Variants in MPDZ observed in about 807,000 individuals in gnomAD.
MPDZ encodes the protein multiple PDZ domain crumbs cell polarity complex component, also known as multiple PDZ domain protein.
Under a neutral mutation model 239.1 loss-of-function variants are expected in MPDZ, and 234 were observed. The observed-to-expected ratio is 0.98, with a 90% CI of 0.88 to 1.09. The LOEUF is 1.09. Among genes scored for constraint, MPDZ ranks in the 50% least tolerant of loss-of-function variants. MPDZ has a pLI of 0.00. For synonymous variants in MPDZ, 1,048 were observed against 881.3 expected, an observed-to-expected ratio of 1.19 and a Z score of -3.35; for missense variants, 3,175 against 2,510.0, an observed-to-expected ratio of 1.26 and a Z score of -5.66.
Position 13,140,045 on chromosome 9 carries a change from T to C in MPDZ, c.3945A>G (p.Ser1315=). 1.2e-6 allele frequency: 2 copies of C among 1,613,304 alleles called. No individual in the cohort carries two copies. The highest frequency in any genetic ancestry group is 1.7e-6 in the Non-Finnish European group (2 of 1,179,730). Reference sequence around the variant, plus strand: ...CATCTTGTGAGATTTTGCTTGCAGATGACTGTGTGTGATCACTACCCATTT... The same window carrying C: ...CATCTTGTGAGATTTTGCTTGCAGACGACTGTGTGTGATCACTACCCATTT... The part of the protein sequence containing the change: ...FAEMGSDHTQ[S]SASKISQDVD... Residue 1315 remains serine, a synonymous_variant, in exon 28 of 47, where the codon TCA becomes TCG. Coordinates refer to ENST00000319217, the MANE Select transcript of MPDZ (RefSeq NM_001378778.1).
At chr9:13,265,264 G>C (rs913123687) in intron 1 of MPDZ, among the ~76,000 whole-genome samples, 1 of 152,158 alleles carries the variant, frequency 6.6e-6, no homozygotes, top group Non-Finnish European at 1.5e-5. Context: ...AATGAGCCCA[G>C]GTCGACTGTG....
At chr9:13,266,894 G>A (rs1256204814) in intron 1 of MPDZ, among the ~76,000 whole-genome samples, 1 of 152,168 alleles carries the variant, frequency 6.6e-6, no homozygotes, top group African/African-American at 2.4e-5. Context: ...CTTAATTAGA[G>A]GGATGTCTAC....
chr9:13,256,178 C>T (rs1465590893), intron 1 of MPDZ, among the ~76,000 whole-genome samples: 1 of 152,142 alleles, frequency 6.6e-6, no homozygotes, highest in African/African-American at 2.4e-5. Flanking sequence ...TCTGCAGCTC[C>T]GTCACCTCTC....
intron 1 of MPDZ, among the ~76,000 whole-genome samples, chr9:13,252,858 T>A (rs947732578): frequency 1.3e-5 from 2 of 152,152 alleles, no homozygotes; most frequent in Non-Finnish European, 2.9e-5. Context: ...AAAAAAAGCA[T>A]GGACTAGAGA....
At chr9:13,183,831 T>C (rs1404762532) in intron 18 of MPDZ, among the ~76,000 whole-genome samples, 1 of 152,104 alleles carries the variant, frequency 6.6e-6, no homozygotes, top group African/African-American at 2.4e-5. Context: ...AAGGCAACAA[T>C]TAACAAAGGG....
chr9:13,265,993 C>T (rs539678481), intron 1 of MPDZ, among the ~76,000 whole-genome samples: 1 of 152,208 alleles, frequency 6.6e-6, no homozygotes, highest in Non-Finnish European at 1.5e-5. Flanking sequence ...CTTAAAATAA[C>T]TCTACTTCCA....
chr9:13,126,619 G>C (rs1181988258), intron 33 of MPDZ, 29 bp from the exon 34 acceptor site: 6 of 1,610,952 alleles, frequency 3.7e-6, no homozygotes, highest in Non-Finnish European at 4.2e-6. Context: ...GAATTTGAGT[G>C]ATATTCCAAA....
At chr9:13,188,672 GA>G in intron 17 of MPDZ, 111 bp downstream of exon 17, 2 of 821,372 alleles carry the variant, frequency 2.4e-6, no homozygotes, top group Non-Finnish European at 3.7e-6. Context: ...TCACGTTGAT[GA>G]AAACTACTAA....
At position 13,108,675 on chromosome 9, in the gene MPDZ, T is replaced by C. The variant is rs73404385; in HGVS notation, c.6066+261A>G. Among the ~76,000 whole-genome samples, 599 of 152,320 alleles carry C rather than the reference T, an allele frequency of 3.9e-3. 7 individuals carry two copies. The highest frequency in any genetic ancestry group is 0.014 in the African/African-American group (582 of 41,580). ...TCAAAGAAAAAAAAATAGGCTTTAC[T>C]AACCAAAGTTCATTAATATTTTTAT... On this transcript the variant is annotated intron_variant, in intron 46 of 46. Transcript: ENST00000319217.
At chr9:13,118,675 C>A (rs893843466) in intron 39 of MPDZ, among the ~76,000 whole-genome samples, 14 of 152,122 alleles carry the variant, frequency 9.2e-5, no homozygotes, top group African/African-American at 3.4e-4. Flanking sequence ...GAATGCAAAT[C>A]CCCTCTAGAA....
chr9:13,106,642 C>G lies in MPDZ; in HGVS notation c.*323G>C, dbSNP rs1053045063. On this transcript the variant is annotated 3_prime_UTR_variant, in exon 47 of 47. Transcript: ENST00000319217. ...TTTGGTTAGCTTTAGAATTATCTTT[C>G]TTTATACTAACCAGCTTAGCATGTA... is the stretch of plus-strand genomic sequence containing the variant. 2 of 198,456 alleles carry G rather than the reference C, an allele frequency of 1.0e-5. No homozygotes were observed. Among genetic ancestry groups the G allele is most frequent in the Admixed American group, 5.9e-5 (1 of 17,050 alleles). 12.3% of individuals were successfully genotyped at this position (198,456 alleles called of 1,614,324 possible).
At chr9:13,188,732 G>T in intron 17 of MPDZ, 52 bp downstream of exon 17, 3 of 1,528,978 alleles carry the variant, frequency 2.0e-6, no homozygotes, top group Non-Finnish European at 2.7e-6. Flanking sequence ...GTAGACCTAT[G>T]AACCATTTTG....
intron 27 of MPDZ, among the ~76,000 whole-genome samples, 159 bp downstream of exon 27, chr9:13,143,307 G>A (rs1947969466): frequency 6.6e-6 from 1 of 151,976 alleles, no homozygotes; most frequent in Non-Finnish European, 1.5e-5. Flanking sequence ...ATGTGCTTAA[G>A]AAAGGATCTG....
chr9:13,138,269 G>A (rs1262528134), intron 28 of MPDZ, 116 bp from the exon 29 acceptor site: 17 of 1,149,982 alleles, frequency 1.5e-5, no homozygotes, highest in East Asian at 1.1e-4. Flanking sequence ...CAAAATGTAC[G>A]CTTTGACAGT....
Position 13,143,463 on chromosome 9 carries a change from A to C in MPDZ, c.3840+3T>G. On this transcript the variant is annotated splice_donor_region_variant and intron_variant, in intron 27 of 46. Transcript: ENST00000319217. ...AACAGCAAGACAATGGGCATTATCC[A>C]ACCTTGTCGGCGTTGATTTGTAGAG... 6.2e-7 allele frequency: 1 copy of C among 1,608,888 alleles called. No homozygotes were observed. The highest frequency in any genetic ancestry group is 8.5e-7 in the Non-Finnish European group (1 of 1,175,514).
chr9:13,175,727 T>G (rs780410788), intron 21 of MPDZ, 25 bp downstream of exon 21: 1 of 1,558,704 alleles, frequency 6.4e-7, no homozygotes, highest in Admixed American at 1.9e-5. Context: ...GAGGAGTAGG[T>G]ATATGAGGAA....
chr9:13,252,551 T>G (rs1588130232), intron 1 of MPDZ, among the ~76,000 whole-genome samples: 1 of 116,928 alleles, frequency 8.6e-6, no homozygotes. Context: ...GGCAACAGAG[T>G]GAGACTCTGT....
intron 12 of MPDZ, among the ~76,000 whole-genome samples, chr9:13,197,843 C>T (rs540041547): frequency 1.3e-4 from 20 of 152,162 alleles, no homozygotes; most frequent in Admixed American, 4.6e-4. Flanking sequence ...TGAGATCATG[C>T]GGTATGTGTC....
chr9:13,185,738 A>G (rs1954005560), intron 18 of MPDZ, among the ~76,000 whole-genome samples: 1 of 152,166 alleles, frequency 6.6e-6, no homozygotes, highest in Non-Finnish European at 1.5e-5. Flanking sequence ...AAACAGAAAT[A>G]AAATTTTAAT....
Sources: gnomAD v4.1 joint callset for allele counts (sites outside exome capture counted in the v4.1 genomes callset) on GRCh38, gnomAD v4.1.1 for gene constraint, MANE v1.5 for transcripts, NCBI Gene and HGNC (gene_info 2026-07-23, HGNC 2026-07-21) for gene names.